PALD1: variants seen among roughly 807,000 people sequenced by gnomAD.
PALD1 encodes the protein phosphatase domain containing paladin 1.
PALD1 carries 57 observed loss-of-function variants against 96.0 expected under a neutral mutation model. The observed-to-expected ratio is 0.59, with a 90% confidence interval of 0.48 to 0.74. The LOEUF (loss-of-function observed/expected upper bound fraction) is 0.74. PALD1 is among the 30% of genes least tolerant of loss of function. The probability of loss-of-function intolerance (pLI) is 0.00; values close to 1 mark genes in which losing one functional copy is unlikely to be tolerated. For missense variants in PALD1, 1,063 were observed against 1,143.7 expected (o/e 0.93, Z 1.02); for synonymous variants, 464 against 473.6 (o/e 0.98, Z 0.26).
At chr10:70,491,485 T>C (rs1846098441) in intron 1 of PALD1, among the ~76,000 whole-genome samples, 1 of 152,126 alleles carries the variant, frequency 6.6e-6, no homozygotes. Flanking sequence ...TTGGCCTTCA[T>C]GGAGAAGGAA....
the PALD1 span, among the ~76,000 whole-genome samples, chr10:70,468,901 G>A: frequency 1.8e-4 from 27 of 152,250 alleles, no homozygotes; most frequent in African/African-American, 6.3e-4. Context: ...TGAGACTAGG[G>A]GCACACAGCT....
intron 1 of PALD1, among the ~76,000 whole-genome samples, chr10:70,522,573 C>T (rs1288752910): frequency 1.3e-5 from 2 of 152,230 alleles, no homozygotes; most frequent in Non-Finnish European, 1.5e-5. Context: ...CACTGCCTCA[C>T]ACTCCATTGT....
At chr10:70,518,133 C>A (rs1396932188) in intron 1 of PALD1, among the ~76,000 whole-genome samples, 1 of 152,116 alleles carries the variant, frequency 6.6e-6, no homozygotes, top group Admixed American at 6.6e-5. Context: ...GAACTCCCAA[C>A]CTCAGGTGAT....
intron 4 of PALD1, among the ~76,000 whole-genome samples, chr10:70,530,315 A>C (rs1846966906): frequency 6.6e-6 from 1 of 152,276 alleles, no homozygotes. Flanking sequence ...CATAGACCCT[A>C]CTTGGGAGCC....
At chr10:70,506,769 A>G (rs1378505297) in intron 1 of PALD1, among the ~76,000 whole-genome samples, 3 of 152,128 alleles carry the variant, frequency 2.0e-5, no homozygotes, top group African/African-American at 7.2e-5. Context: ...GGTCTCAATC[A>G]GGCAACTCTC....
chr10:70,468,252 G>GT, the PALD1 span, among the ~76,000 whole-genome samples: 4 of 151,774 alleles, frequency 2.6e-5, no homozygotes, highest in African/African-American at 4.8e-5. Flanking sequence ...ACCAGGTAAG[G>GT]TTTTTTTTGA....
At position 70,529,291 on chromosome 10, in the gene PALD1, G is replaced by A. The variant is rs1159466666; in HGVS notation, c.248G>A (p.Gly83Asp). The part of the protein sequence containing the change: ...DELLKAHYTL[G>D]RLSDNTPEHY... ...CTGCTCAAGGCTCATTACACGTTGG[G>A]CCGGCTCTCGGACAACACCCCTGAG... The change falls in exon 3 of 20, where the codon GGC (glycine) becomes GAC (aspartate). Residue 83 changes from glycine (G) to aspartate (D), a missense_variant. By Grantham distance (94) the Gly-to-Asp change is moderately conservative (BLOSUM62 -1). Coordinates refer to ENST00000263563, the MANE Select transcript of PALD1 (RefSeq NM_014431.3). 1.3e-6 allele frequency: 2 copies of A among 1,598,402 alleles called. No individual in the cohort carries two copies. Among genetic ancestry groups the A allele is most frequent in the Non-Finnish European group, 1.7e-6 (2 of 1,173,338 alleles).
rs1564703886 is a variant in PALD1 at position 70,539,497 on chromosome 10, C to T, written c.1726-83C>T. The stretch of plus-strand genomic sequence containing the variant: ...ATGGGACTGGAAGCCAGGGCCAGGC[C>T]TGGCCATGGCAGGCTGTGGCCTTTC... On this transcript the variant is annotated intron_variant, in intron 14 of 19. Transcript: ENST00000263563. This position sits in a 1 kb window ranked among gnomAD's most constrained non-coding sequence, Gnocchi z 4.5. The T allele has an allele frequency of 5.3e-6, 7 of 1,324,570 alleles. No individual in the cohort carries two copies. Among genetic ancestry groups the T allele is most frequent in the Middle Eastern group, 2.5e-4 (1 of 3,964 alleles). 82.1% of individuals were successfully genotyped at this position (1,324,570 alleles called of 1,614,324 possible).
chr10:70,532,432 G>T (rs1258896857), intron 5 of PALD1, among the ~76,000 whole-genome samples, 189 bp from the exon 6 acceptor site: 2 of 152,188 alleles, frequency 1.3e-5, no homozygotes, highest in African/African-American at 4.8e-5. Context: ...CCCTGTGTAG[G>T]CACCCCGATT....
At chr10:70,498,586 GTT>G (rs35830368) in intron 1 of PALD1, among the ~76,000 whole-genome samples, 2 of 143,428 alleles carry the variant, frequency 1.4e-5, no homozygotes, top group Admixed American at 7.0e-5. Flanking sequence ...GTCCTGTTTT[GTT>G]TTTTTTTTTT....
intron 1 of PALD1, among the ~76,000 whole-genome samples, chr10:70,492,821 G>C (rs1846122907): frequency 6.6e-6 from 1 of 152,170 alleles, no homozygotes; most frequent in Non-Finnish European, 1.5e-5. Flanking sequence ...ACATCAAGGA[G>C]CATCTGTACT....
chr10:70,556,417 G>T (rs1264819504), intron 18 of PALD1, among the ~76,000 whole-genome samples: 1 of 152,042 alleles, frequency 6.6e-6, no homozygotes, highest in African/African-American at 2.4e-5. Context: ...CTAGGTTCAG[G>T]TGATTCTCCT....
chr10:70,527,691 T>G (rs2132356456), intron 2 of PALD1, among the ~76,000 whole-genome samples: 1 of 152,296 alleles, frequency 6.6e-6, no homozygotes, highest in South Asian at 2.1e-4. Flanking sequence ...TCCCCATGGG[T>G]CACGTGGTAA....
At position 70,531,316 on chromosome 10, in the gene PALD1, G is replaced by A; in HGVS notation, c.495G>A (p.Glu165=). 1 of 1,613,866 alleles carries A rather than the reference G, an allele frequency of 6.2e-7. No homozygotes were observed. Among genetic ancestry groups the A allele is most frequent in the Non-Finnish European group, 8.5e-7 (1 of 1,179,822 alleles). ...HRECVIFCVR[E]EPVLFLRADE... ...AGTGTGTCATCTTCTGTGTGCGGGA[G>A]GAACCTGTGCTTTTCCTGCGTGCAG... Residue 165 remains glutamate, a synonymous_variant, in exon 5 of 20, where the codon GAG becomes GAA. Coordinates refer to ENST00000263563, the MANE Select transcript of PALD1 (RefSeq NM_014431.3).
intron 18 of PALD1, among the ~76,000 whole-genome samples, chr10:70,561,631 C>T (rs768765778): frequency 5.9e-5 from 9 of 152,186 alleles, no homozygotes; most frequent in Non-Finnish European, 7.4e-5. Flanking sequence ...CCATTCCCGC[C>T]CTCAAATCCC....
At chr10:70,494,492 A>G (rs1846155395) in intron 1 of PALD1, among the ~76,000 whole-genome samples, 1 of 152,212 alleles carries the variant, frequency 6.6e-6, no homozygotes. Context: ...CTCCCTGCCC[A>G]GGGCTCTCTG....
chr10:70,502,400 A>AG (rs1846317064), intron 1 of PALD1, among the ~76,000 whole-genome samples: 1 of 148,302 alleles, frequency 6.7e-6, no homozygotes, highest in Non-Finnish European at 1.5e-5. Flanking sequence ...AGACATTTCT[A>AG]ATCTTTCACT....
intron 18 of PALD1, among the ~76,000 whole-genome samples, chr10:70,556,172 T>A (rs12776552): frequency 6.6e-6 from 1 of 151,740 alleles, no homozygotes; most frequent in Non-Finnish European, 1.5e-5. Flanking sequence ...GCTCTTTCAC[T>A]TGAACCCAGC....
chr10:70,517,130 A>T (rs188245564), intron 1 of PALD1, among the ~76,000 whole-genome samples: 7 of 152,102 alleles, frequency 4.6e-5, no homozygotes, highest in Non-Finnish European at 1.0e-4. Context: ...CCCATGAAGG[A>T]GGTGCTACTG....
Sources: gnomAD v4.1 joint callset for allele counts (sites outside exome capture counted in the v4.1 genomes callset) on GRCh38, gnomAD v4.1.1 for gene constraint, Gnocchi (gnomAD v3.1) non-coding constraint, MANE v1.5 for transcripts, NCBI Gene and HGNC (gene_info 2026-07-23, HGNC 2026-07-21) for gene names.